Variants in ATXN10 observed in about 807,000 individuals in gnomAD.
The protein encoded by ATXN10 is ataxin 10.
A neutral mutation model predicts 52.9 loss-of-function variants in ATXN10; 28 were observed. The observed-to-expected ratio is 0.53, with a 90% confidence interval of 0.39 to 0.73. ATXN10 has a LOEUF of 0.73. Ranked by LOEUF, ATXN10 falls within the 30% of genes least tolerant of loss-of-function variation. The pLI is 0.00. For missense variants in ATXN10, 565 were observed against 577.0 expected (o/e 0.98, Z 0.21); for synonymous variants, 226 against 221.5 (o/e 1.02, Z -0.18).
chr22:45,739,967 C>G (rs1050176591), intron 8 of ATXN10, among the ~76,000 whole-genome samples: 36 of 152,252 alleles, frequency 2.4e-4, no homozygotes, highest in African/African-American at 8.7e-4. Flanking sequence ...CTGTCATATG[C>G]ATCATTATGG....
intron 9 of ATXN10, among the ~76,000 whole-genome samples, chr22:45,747,593 G>T (rs527416448): frequency 3.7e-4 from 57 of 152,286 alleles, no homozygotes; most frequent in South Asian, 8.3e-4. Flanking sequence ...GGATCCACGT[G>T]TGTGCTGTTT....
chr22:45,706,873 A>C (rs540219585), intron 5 of ATXN10, among the ~76,000 whole-genome samples: 12 of 152,104 alleles, frequency 7.9e-5, no homozygotes, highest in African/African-American at 2.9e-4. Context: ...GTAGATATCT[A>C]TTAGGTCTGG....
intron 3 of ATXN10, among the ~76,000 whole-genome samples, chr22:45,699,743 C>T (rs1049136781): frequency 2.6e-4 from 40 of 151,782 alleles, no homozygotes; most frequent in African/African-American, 9.0e-4. Flanking sequence ...CCGCACCCCC[C>T]TCGTCTTCCC....
intron 9 of ATXN10, among the ~76,000 whole-genome samples, chr22:45,747,911 C>G (rs959535928): frequency 6.6e-6 from 1 of 150,572 alleles, no homozygotes; most frequent in Non-Finnish European, 1.5e-5. Context: ...TAAGACCTCC[C>G]ATCTCTAAAA....
At chr22:45,725,102 T>G (rs1056021492) in intron 6 of ATXN10, among the ~76,000 whole-genome samples, 1 of 152,178 alleles carries the variant, frequency 6.6e-6, no homozygotes, top group African/African-American at 2.4e-5. Flanking sequence ...TGCCTTAGAA[T>G]TGTTCTTTTT....
chr22:45,703,006 A>G (rs1245035998), intron 5 of ATXN10, among the ~76,000 whole-genome samples, 159 bp downstream of exon 5: 7 of 152,278 alleles, frequency 4.6e-5, no homozygotes, highest in African/African-American at 1.4e-4. Flanking sequence ...AGCAGAATCT[A>G]GAGAACTTGT....
rs1328905018 is a variant in ATXN10, at chr22:45,833,787, C to T, written c.1238-9204C>T. 2.0e-5 allele frequency among the ~76,000 whole-genome samples: 3 copies of T among 152,200 alleles called. No individual in the cohort carries two copies. The highest frequency in any genetic ancestry group is 4.4e-5 in the Non-Finnish European group (3 of 68,000). ...CTCAGAAACGTGCAGTCATAGCAAC[C>T]CGGAAGAAGAACTGCTCTGCCCTCC... On this transcript the variant is annotated intron_variant, in intron 10 of 11. Coordinates refer to ENST00000252934, the MANE Select transcript of ATXN10 (RefSeq NM_013236.4). The surrounding 1 kb of genome is among the most constrained non-coding windows in gnomAD (Gnocchi z 4.3).
At chr22:45,752,652 C>G (rs1487276866) in intron 9 of ATXN10, among the ~76,000 whole-genome samples, 1 of 152,000 alleles carries the variant, frequency 6.6e-6, no homozygotes, top group Non-Finnish European at 1.5e-5. Context: ...ACTGTGGGAA[C>G]TAAGGGTTAG....
intron 1 of ATXN10, chr22:45,676,382 G>A (rs960292647): frequency 3.3e-5 from 5 of 151,904 alleles, no homozygotes; most frequent in African/African-American, 9.7e-5. Context: ...CATCTGTGCT[G>A]TTCATTAAGT....
intron 9 of ATXN10, 171 bp downstream of exon 9, chr22:45,740,709 CA>C: frequency 2.5e-6 from 1 of 396,254 alleles, no homozygotes; most frequent in Non-Finnish European, 4.5e-6. Flanking sequence ...CACACACACA[CA>C]CACACACACA....
At position 45,683,468 on chromosome 22, in the gene ATXN10, G is replaced by A. The variant is rs1006942705; in HGVS notation, c.117-6244G>A. 3.3e-5 allele frequency among the ~76,000 whole-genome samples: 5 copies of A among 152,158 alleles called. No homozygotes were observed. The highest frequency in any genetic ancestry group is 9.7e-5 in the African/African-American group (4 of 41,434). On this transcript the variant is annotated intron_variant, in intron 1 of 11. Transcript: ENST00000252934. This position sits in a 1 kb window ranked among gnomAD's most constrained non-coding sequence, Gnocchi z 4.8. The stretch of plus-strand genomic sequence containing the variant: ...TTCTCACTGGGGTTCATTGAAGCCA[G>A]CCCTGACTTCCCTGTGACGTGCTCT...
intron 6 of ATXN10, among the ~76,000 whole-genome samples, chr22:45,724,114 T>A (rs1169640930): frequency 6.6e-6 from 1 of 152,190 alleles, no homozygotes; most frequent in African/African-American, 2.4e-5. Context: ...TGGTTCTATA[T>A]CTTTGCAATT....
At position 45,787,637 on chromosome 22, in the gene ATXN10, A is replaced by T. The variant is rs1471243433; in HGVS notation, c.1174-19322A>T. ...CCCATATCCCAGCTTTGGACAGAAT[A>T]GTCAGTTGGAATTAAAATAATTTAA... On this transcript the variant is annotated intron_variant, in intron 9 of 11. Transcript: ENST00000252934. The surrounding 1 kb of genome is among the most constrained non-coding windows in gnomAD (Gnocchi z 4.2). Among the ~76,000 whole-genome samples the T allele has an allele frequency of 2.0e-5, 3 of 152,194 alleles. No individual in the cohort carries two copies. The highest frequency in any genetic ancestry group is 4.4e-5 in the Non-Finnish European group (3 of 68,040).
intron 6 of ATXN10, among the ~76,000 whole-genome samples, chr22:45,729,217 T>G (rs1924990498): frequency 1.3e-5 from 2 of 152,230 alleles, no homozygotes; most frequent in South Asian, 4.1e-4. Flanking sequence ...CTAGTTTCTG[T>G]GGCCAAGACA....
intron 10 of ATXN10, chr22:45,811,662 A>C (rs1010083737): frequency 4.3e-6 from 2 of 466,364 alleles, no homozygotes; most frequent in African/African-American, 4.0e-5. Flanking sequence ...ACATTCTGTG[A>C]TGTTCACACA....
At position 45,824,697 on chromosome 22, in the gene ATXN10, T is replaced by C. The variant is rs1188113364; in HGVS notation, c.1237+17675T>C. On this transcript the variant is annotated intron_variant, in intron 10 of 11. Transcript: ENST00000252934. This position sits in a 1 kb window ranked among gnomAD's most constrained non-coding sequence, Gnocchi z 5.2. ...ATATGGTGGCAGCTAGAAAACAAAT[T>C]TGTATTGATAACTGAATTGATAGAG... is the stretch of plus-strand genomic sequence containing the variant. Among the ~76,000 whole-genome samples, 2 of 152,210 alleles carry C rather than the reference T, an allele frequency of 1.3e-5. No individual in the cohort carries two copies. Among genetic ancestry groups the C allele is most frequent in the Non-Finnish European group, 1.5e-5 (1 of 68,036 alleles).
At chr22:45,723,409 G>C (rs565474179) in intron 6 of ATXN10, among the ~76,000 whole-genome samples, 105 of 151,968 alleles carry the variant, frequency 6.9e-4, no homozygotes, top group Middle Eastern at 3.4e-3. Context: ...TTGTATAGTG[G>C]TGTGGTTTTG....
Position 45,825,043 on chromosome 22 carries a change from C to T in ATXN10, c.1238-17948C>T, listed in dbSNP as rs1928771653. 6.6e-6 allele frequency among the ~76,000 whole-genome samples: 1 copy of T among 152,248 alleles called. No individual in the cohort carries two copies. Among genetic ancestry groups the T allele is most frequent in the East Asian group, 1.9e-4 (1 of 5,204 alleles). On this transcript the variant is annotated intron_variant, in intron 10 of 11. Coordinates refer to ENST00000252934, the MANE Select transcript of ATXN10 (RefSeq NM_013236.4). This position sits in a 1 kb window ranked among gnomAD's most constrained non-coding sequence, Gnocchi z 4.5. ...TAGCTCAGTAGCAGCTATTCCTCCT[C>T]CATCCCCAGTCCTATGGCAGACAGC... is the stretch of plus-strand genomic sequence containing the variant.
At chr22:45,811,653 C>T (rs768287531) in intron 10 of ATXN10, 7 of 462,258 alleles carry the variant, frequency 1.5e-5, no homozygotes, top group South Asian at 1.1e-4. Context: ...AATGTGAGTA[C>T]ATTCTGTGAT....
Sources: gnomAD v4.1 joint callset for allele counts (sites outside exome capture counted in the v4.1 genomes callset) on GRCh38, gnomAD v4.1.1 for gene constraint, Gnocchi (gnomAD v3.1) non-coding constraint, MANE v1.5 for transcripts, NCBI Gene and HGNC (gene_info 2026-07-23, HGNC 2026-07-21) for gene names.